DNAI4: variants seen among roughly 807,000 people sequenced by gnomAD.
DNAI4 encodes the protein WD repeat domain 78.
Under a neutral mutation model 105.8 loss-of-function variants are expected in DNAI4, and 85 were observed. That is an observed-to-expected ratio of 0.80 (90% CI 0.67 to 0.96). The LOEUF (loss-of-function observed/expected upper bound fraction) is 0.96. DNAI4 is among the 40% of genes least tolerant of loss of function. The pLI is 0.00. For missense variants in DNAI4, 1,014 were observed against 1,005.6 expected (o/e 1.01, Z -0.11); for synonymous variants, 352 against 331.5 (o/e 1.06, Z -0.67).
intron 10 of DNAI4, 116 bp downstream of exon 10, chr1:66,837,594 T>C (rs945951230): frequency 3.5e-5 from 42 of 1,211,184 alleles, no homozygotes; most frequent in Non-Finnish European, 4.6e-5. Flanking sequence ...CCAAAGAAAA[T>C]AGTCTTGATT....
chr1:66,832,562 T>C (rs1056534491), intron 13 of DNAI4, among the ~76,000 whole-genome samples: 2 of 151,950 alleles, frequency 1.3e-5, no homozygotes, highest in African/African-American at 4.8e-5. Flanking sequence ...GGTTAATGGG[T>C]ACAAAGAAAT....
intron 1 of DNAI4, among the ~76,000 whole-genome samples, chr1:66,909,163 C>T (rs148469776): frequency 1.2e-4 from 18 of 152,110 alleles, no homozygotes; most frequent in African/African-American, 4.3e-4. Flanking sequence ...TTTCTCCCAT[C>T]TTAAACAAAC....
At chr1:66,919,833 T>C (rs541550703) in intron 1 of DNAI4, among the ~76,000 whole-genome samples, 15 of 152,118 alleles carry the variant, frequency 9.9e-5, no homozygotes, top group Non-Finnish European at 1.9e-4. Context: ...AAAGAAAAAA[T>C]GTACTGAAAA....
intron 1 of DNAI4, among the ~76,000 whole-genome samples, chr1:66,913,278 T>G (rs1198577496): frequency 1.3e-5 from 2 of 152,146 alleles, no homozygotes; most frequent in African/African-American, 2.4e-5. Flanking sequence ...TTGTTGGGGA[T>G]TTTTGTTGTT....
At chr1:66,820,947 GTTTTCC>G (rs1248852217) in intron 16 of DNAI4, among the ~76,000 whole-genome samples, 1 of 151,822 alleles carries the variant, frequency 6.6e-6, no homozygotes, top group Admixed American at 6.6e-5. Flanking sequence ...ATGTTGTTCT[GTTTTCC>G]TTTTCCTTTT....
chr1:66,905,993 G>A (rs912794845), intron 1 of DNAI4, among the ~76,000 whole-genome samples: 11 of 133,228 alleles, frequency 8.3e-5, no homozygotes, highest in African/African-American at 2.0e-4. Flanking sequence ...GCGTGATCTC[G>A]GCTCACCGCA....
At chr1:66,886,560 T>C (rs1647206766) in intron 4 of DNAI4, among the ~76,000 whole-genome samples, 1 of 152,212 alleles carries the variant, frequency 6.6e-6, no homozygotes, top group Non-Finnish European at 1.5e-5. Flanking sequence ...TTCCTGGCTT[T>C]CAGGCTTCTC....
At chr1:66,848,517 T>C (rs1471874091) in intron 7 of DNAI4, among the ~76,000 whole-genome samples, 1 of 152,242 alleles carries the variant, frequency 6.6e-6, no homozygotes. Context: ...CTGCACTACT[T>C]AGTAAACTCT....
At chr1:66,913,975 C>G (rs1439299151) in intron 1 of DNAI4, among the ~76,000 whole-genome samples, 2 of 146,028 alleles carry the variant, frequency 1.4e-5, no homozygotes, top group African/African-American at 5.1e-5. Flanking sequence ...CAGAGCAAAA[C>G]TCCGTCTCAA....
At chr1:66,870,833 G>A (rs1392336768) in intron 6 of DNAI4, 1 of 150,642 alleles carries the variant, frequency 6.6e-6, no homozygotes, top group East Asian at 1.9e-4. Flanking sequence ...ACAGATTTTG[G>A]CTATGCAATG....
intron 13 of DNAI4, among the ~76,000 whole-genome samples, chr1:66,833,216 A>T (rs917713572): frequency 5.3e-5 from 8 of 151,996 alleles, no homozygotes; most frequent in Non-Finnish European, 7.4e-5. Context: ...GCACAATTTT[A>T]AAAAAAAGCT....
intron 2 of DNAI4, among the ~76,000 whole-genome samples, chr1:66,899,879 G>A (rs1397874569): frequency 6.6e-6 from 1 of 152,072 alleles, no homozygotes; most frequent in Non-Finnish European, 1.5e-5. Context: ...AGGTAAATGG[G>A]TTTATTTCTG....
chr1:66,843,400 G>T lies in DNAI4; in HGVS notation c.1292-2729C>A, dbSNP rs367930579. ...ATGTTGTTTATTTTCTTATTGTTGGGTTTTAAGAGTTCTTTGTATATTTTG... is the reference window on the plus strand; with the variant it reads ...ATGTTGTTTATTTTCTTATTGTTGGTTTTTAAGAGTTCTTTGTATATTTTG... On this transcript the variant is annotated intron_variant, in intron 8 of 16. Transcript: ENST00000371026. Among the ~76,000 whole-genome samples the T allele has an allele frequency of 2.6e-5, 4 of 152,060 alleles. No homozygotes were observed. In the East Asian group the frequency reaches 7.7e-4, roughly 29 times the overall value.
In DNAI4 at chr1:66,883,722, T is replaced by C. The variant is rs957476410; in HGVS notation, c.643+7432A>G. On this transcript the variant is annotated intron_variant, in intron 4 of 16. Transcript: ENST00000371026. ...AATATACAATTTTTAAATTGTAAAG[T>C]GACAACTTATTATTGGGTACATTTA... Among the ~76,000 whole-genome samples the C allele has an allele frequency of 7.2e-5, 11 of 152,334 alleles. 2 individuals are homozygous for C. Among genetic ancestry groups the C allele is most frequent in the Admixed American group, 1.3e-4 (2 of 15,296 alleles).
At chr1:66,834,993 G>A (rs1450105844) in intron 11 of DNAI4, among the ~76,000 whole-genome samples, 2 of 152,050 alleles carry the variant, frequency 1.3e-5, no homozygotes, top group Non-Finnish European at 2.9e-5. Flanking sequence ...TTGGTATCTT[G>A]TCTATTACAA....
At chr1:66,828,535 G>A (rs1170644520) in intron 13 of DNAI4, 1 of 151,980 alleles carries the variant, frequency 6.6e-6, no homozygotes, top group Non-Finnish European at 1.5e-5. Context: ...ATATCAATAA[G>A]GTGGAGCACT....
chr1:66,919,095 T>C lies in DNAI4; in HGVS notation c.170+5567A>G, dbSNP rs148014925. On this transcript the variant is annotated intron_variant, in intron 1 of 16. Transcript: ENST00000371026. ...GGAACCAATGTACTTCTTACATATA[T>C]TGATTGATGTCTCATGCCTCCCTAA... 1.9e-3 allele frequency: 853 copies of C among 444,534 alleles called. 4 individuals carry two copies. The highest frequency in any genetic ancestry group is 0.016 in the African/African-American group (787 of 49,872). The allele number at this position is 444,534 out of a possible 1,614,324, so 27.5% of individuals were successfully genotyped here. A position where few individuals can be genotyped will look rare whatever the true frequency, so the allele number is the denominator to read the frequency against.
intron 1 of DNAI4, among the ~76,000 whole-genome samples, chr1:66,916,222 G>A (rs755606031): frequency 3.6e-4 from 54 of 151,802 alleles, no homozygotes; most frequent in Non-Finnish European, 6.9e-4. Context: ...AATCACAAAA[G>A]AGGATTTATT....
In DNAI4 at chr1:66,888,495, C is replaced by T. The variant is rs376384365; in HGVS notation, c.643+2659G>A. On this transcript the variant is annotated intron_variant, in intron 4 of 16. Coordinates refer to ENST00000371026, the MANE Select transcript of DNAI4 (RefSeq NM_024763.5). ...AGATCACGAGGTCAGCAGTTCAAGA[C>T]CAGCCTGTGCAACATGGTGAAACCC... Among the ~76,000 whole-genome samples the T allele has an allele frequency of 1.2e-4, 19 of 152,278 alleles. No individual in the cohort carries two copies. In the East Asian group the frequency reaches 2.9e-3, roughly 23 times the overall value.
Sources: allele counts gnomAD v4.1 joint callset (sites outside exome capture counted in the v4.1 genomes callset), GRCh38; gene constraint gnomAD v4.1.1; transcripts MANE v1.5; gene names NCBI Gene and HGNC (gene_info 2026-07-23, HGNC 2026-07-21).